The following DLGAP2 variants were observed in gnomAD, a reference collection of about 807,000 sequenced individuals.
DLGAP2 encodes disks large-associated protein 2.
DLGAP2 carries 26 observed loss-of-function variants against 100.3 expected under a neutral mutation model. That is an observed-to-expected ratio of 0.26 (90% CI 0.19 to 0.36). DLGAP2 has a LOEUF of 0.36. DLGAP2 is among the 10% of genes least tolerant of loss of function. The pLI is 1.00. For synonymous variants in DLGAP2, 886 were observed against 630.1 expected (o/e 1.41, Z -6.08); for missense variants, 1,858 against 1,453.2 (o/e 1.28, Z -4.53).
chr8:1,635,460 G>A (rs567473189), intron 8 of DLGAP2, among the ~76,000 whole-genome samples: 4 of 152,242 alleles, frequency 2.6e-5, no homozygotes, highest in Admixed American at 2.6e-4. Flanking sequence ...CTAGCACTAC[G>A]TTCAATAGCT....
intron 2 of DLGAP2, among the ~76,000 whole-genome samples, chr8:1,186,423 C>G (rs1396540676): frequency 5.3e-5 from 8 of 152,344 alleles, no homozygotes; most frequent in African/African-American, 1.9e-4. Context: ...TCCCAGGCCT[C>G]CTCTCCAGCC....
intron 2 of DLGAP2, among the ~76,000 whole-genome samples, chr8:921,604 C>T (rs767245500): frequency 6.6e-6 from 1 of 152,244 alleles, no homozygotes; most frequent in Non-Finnish European, 1.5e-5. Context: ...TCCCGTGTCC[C>T]TTCTGCCTGG....
intron 12 of DLGAP2, among the ~76,000 whole-genome samples, chr8:1,682,045 A>G (rs552528984): frequency 2.0e-5 from 3 of 152,292 alleles, no homozygotes; most frequent in African/African-American, 4.8e-5. Flanking sequence ...AAGTTCCCTT[A>G]TGGGAAGCAC....
intron 2 of DLGAP2, among the ~76,000 whole-genome samples, chr8:1,021,014 A>G (rs1471956684): frequency 6.6e-6 from 1 of 152,236 alleles, no homozygotes; most frequent in Non-Finnish European, 1.5e-5. Flanking sequence ...ACTAAAAGGA[A>G]TAGTCATTCC....
At position 1,678,269 on chromosome 8, in the gene DLGAP2, G is replaced by A; in HGVS notation, c.2344G>A (p.Glu782Lys). Reference protein sequence around the residue: ...SVTAAVQADLELEGFPGHITT... With the variant: ...SVTAAVQADLKLEGFPGHITT... Reference sequence around the variant, plus strand: ...CACGGCCGCCGTCCAAGCTGACCTGGAGCTGGAGGGGTTCCCAGGCCACAT... The same window carrying A: ...CACGGCCGCCGTCCAAGCTGACCTGAAGCTGGAGGGGTTCCCAGGCCACAT... Residue 782 changes from glutamate to lysine, a missense_variant, in exon 12 of 15, where the codon GAG becomes AAG. Transcript: ENST00000637795. 6.2e-7 allele frequency: 1 copy of A among 1,613,838 alleles called. No individual in the cohort carries two copies. The highest frequency in any genetic ancestry group is 8.5e-7 in the Non-Finnish European group (1 of 1,179,848).
chr8:1,027,868 C>G (rs1490176042), intron 2 of DLGAP2, among the ~76,000 whole-genome samples: 2 of 143,632 alleles, frequency 1.4e-5, no homozygotes, highest in Admixed American at 6.9e-5. Context: ...GTGTCAGGCG[C>G]CCGTTATTCT....
In DLGAP2 at chr8:1,294,638, T is replaced by A. The variant is rs527412600; in HGVS notation, c.106+35755T>A. ...AAGAGTACATAGGCTTTTTATTATC[T>A]GTTACCAAATGTTTAAAATATAAAG... On this transcript the variant is annotated intron_variant, in intron 3 of 14. Transcript: ENST00000637795. 1.1e-4 allele frequency among the ~76,000 whole-genome samples: 16 copies of A among 152,342 alleles called. 1 individual carries two copies. The South Asian group carries it at 3.3e-3, about 32-fold the overall frequency.
intron 3 of DLGAP2, among the ~76,000 whole-genome samples, chr8:1,266,029 A>C (rs1799443541): frequency 6.6e-6 from 1 of 152,240 alleles, no homozygotes; most frequent in Non-Finnish European, 1.5e-5. Flanking sequence ...AATGATTACA[A>C]GGAGAAACCA....
intron 1 of DLGAP2, among the ~76,000 whole-genome samples, chr8:829,136 C>G (rs1311258862): frequency 6.6e-6 from 1 of 152,176 alleles, no homozygotes; most frequent in African/African-American, 2.4e-5. Flanking sequence ...TCTTCCATTT[C>G]TCCCTTAACT....
chr8:1,473,077 C>G (rs1481388783), intron 3 of DLGAP2, among the ~76,000 whole-genome samples: 5 of 152,130 alleles, frequency 3.3e-5, no homozygotes, highest in Admixed American at 3.3e-4. Flanking sequence ...ATTACAGGCA[C>G]CTGCCACCAC....
chr8:1,550,256 A>T (rs575048136), intron 5 of DLGAP2, among the ~76,000 whole-genome samples: 1 of 151,994 alleles, frequency 6.6e-6, no homozygotes, highest in East Asian at 1.9e-4. Context: ...TTTATCCATC[A>T]TTTGCCGGGA....
chr8:1,363,858 C>T (rs1046863344), intron 3 of DLGAP2, among the ~76,000 whole-genome samples: 33 of 152,258 alleles, frequency 2.2e-4, no homozygotes, highest in Admixed American at 1.7e-3. Context: ...TGGCCTGCCA[C>T]GTCTCTGGGA....
intron 1 of DLGAP2, among the ~76,000 whole-genome samples, chr8:800,042 G>A (rs1446492567): frequency 2.0e-5 from 3 of 152,142 alleles, no homozygotes; most frequent in African/African-American, 7.2e-5. Context: ...GTTTCTGGAT[G>A]TCCTTTTAAA....
rs1156600747 is a variant in DLGAP2, at chr8:1,288,587, AGTGT to A, written c.106+29722_106+29725del. Among the ~76,000 whole-genome samples, 291 of 119,712 alleles carry A rather than the reference AGTGT, an allele frequency of 2.4e-3. 4 individuals are homozygous for A. Among genetic ancestry groups the A allele is most frequent in the East Asian group, 0.014 (49 of 3,564 alleles). The allele number at this position is 119,712 out of a possible 152,430, so 78.5% of individuals were successfully genotyped here. A position where few individuals can be genotyped will look rare whatever the true frequency, so the allele number is the denominator to read the frequency against. ...TTAGGAGGGGAACTAGTTTCAGTTG[AGTGT>A]GTGTGTGTGTGTGTGTGGTAGGAGG... On this transcript the variant is annotated intron_variant, in intron 3 of 14. Coordinates refer to ENST00000637795, the MANE Select transcript of DLGAP2 (RefSeq NM_001346810.2).
At chr8:891,021 C>T (rs1034231010) in intron 1 of DLGAP2, among the ~76,000 whole-genome samples, 1 of 152,064 alleles carries the variant, frequency 6.6e-6, no homozygotes, top group African/African-American at 2.4e-5. Context: ...GTCCCTGATT[C>T]CCTCCCCTCA....
intron 13 of DLGAP2, 57 bp downstream of exon 13, chr8:1,691,683 C>A: frequency 7.4e-7 from 1 of 1,358,142 alleles, no homozygotes; most frequent in Non-Finnish European, 1.0e-6. Context: ...GGGCATCATT[C>A]CACAGATTCT....
chr8:1,008,375 G>A (rs1801181242), intron 2 of DLGAP2, among the ~76,000 whole-genome samples: 1 of 152,104 alleles, frequency 6.6e-6, no homozygotes, highest in African/African-American at 2.4e-5. Flanking sequence ...AGTGAAAACT[G>A]GTATTGATTT....
At chr8:1,381,339 G>A (rs10110777) in intron 3 of DLGAP2, 16,547 of 152,174 alleles carry the variant, frequency 0.11, 1,264 homozygotes, top group East Asian at 0.23. Flanking sequence ...AAAATGGGCC[G>A]TTACGGTTCC....
At chr8:1,549,707 G>T in intron 5 of DLGAP2, 24 bp downstream of exon 5, 2 of 1,519,000 alleles carry the variant, frequency 1.3e-6, no homozygotes, top group South Asian at 1.2e-5. Context: ...CGGCCCTGTG[G>T]AGGCCGTCTC....
Sources: allele counts gnomAD v4.1 joint callset (sites outside exome capture counted in the v4.1 genomes callset), GRCh38; gene constraint gnomAD v4.1.1; transcripts MANE v1.5; gene names NCBI Gene and HGNC (gene_info 2026-07-23, HGNC 2026-07-21).